CSMD1: variants seen among roughly 807,000 people sequenced by gnomAD.
CSMD1 encodes CUB and sushi domain-containing protein 1.
A neutral mutation model predicts 417.5 loss-of-function variants in CSMD1; 213 were observed. That is an observed-to-expected ratio of 0.51 (90% confidence interval 0.46 to 0.57). The LOEUF is 0.57. Among genes scored for constraint, CSMD1 ranks in the 20% least tolerant of loss-of-function variants. The pLI, the probability that CSMD1 is intolerant of heterozygous loss-of-function variation, is 0.00. For missense variants in CSMD1, 6,923 were observed against 4,529.7 expected (o/e 1.53, Z -15.17); for synonymous variants, 2,862 against 1,736.8 (o/e 1.65, Z -16.11).
In CSMD1 at chr8:3,033,542, T is replaced by C. The variant is rs145928656; in HGVS notation, c.7661-4029A>G. On this transcript the variant is annotated intron_variant, in intron 50 of 69. Transcript: ENST00000635120. ...CGTGTTCTCATTTATAAGTGGGAGTTGAACAACGAGAACACATGGACACAG... is the reference window on the plus strand; with the variant it reads ...CGTGTTCTCATTTATAAGTGGGAGTCGAACAACGAGAACACATGGACACAG... Among the ~76,000 whole-genome samples, 45 of 152,086 alleles carry C rather than the reference T, an allele frequency of 3.0e-4. No homozygotes were observed. In the East Asian group the frequency reaches 8.3e-3, roughly 28 times the overall value.
At chr8:4,782,732 A>C (rs117138379) in intron 1 of CSMD1, among the ~76,000 whole-genome samples, 1,544 of 152,298 alleles carry the variant, frequency 0.01, 11 homozygotes, top group East Asian at 0.048. Flanking sequence ...CAAAAAAATG[A>C]AAATACATGA....
chr8:4,318,205 A>G (rs1799049539), intron 3 of CSMD1, among the ~76,000 whole-genome samples: 1 of 152,118 alleles, frequency 6.6e-6, no homozygotes, highest in African/African-American at 2.4e-5. Flanking sequence ...GTGAATGATA[A>G]TTATTACAAC....
chr8:3,497,822 G>T (rs1175305002), intron 10 of CSMD1, among the ~76,000 whole-genome samples: 1 of 152,128 alleles, frequency 6.6e-6, no homozygotes, highest in East Asian at 1.9e-4. Flanking sequence ...GGTTATTTTT[G>T]TGGTTTGGTG....
chr8:3,315,437 A>ACTGTGTGT (rs1554512191), intron 23 of CSMD1, among the ~76,000 whole-genome samples: 1 of 124,056 alleles, frequency 8.1e-6, no homozygotes, highest in East Asian at 2.0e-4. Flanking sequence ...AGGTGAAGTG[A>ACTGTGTGT]GTGTGTGTGT....
intron 23 of CSMD1, among the ~76,000 whole-genome samples, chr8:3,333,933 A>G (rs895275211): frequency 3.3e-5 from 5 of 152,254 alleles, no homozygotes; most frequent in African/African-American, 1.2e-4. Context: ...ATTAGATTGT[A>G]GAAAATGTGC....
chr8:4,653,609 AC>A (rs1316512380), intron 1 of CSMD1, among the ~76,000 whole-genome samples: 1 of 152,126 alleles, frequency 6.6e-6, no homozygotes, highest in Non-Finnish European at 1.5e-5. Context: ...GTCCCAGATA[AC>A]CACCAGTGAC....
At chr8:4,216,223 C>T (rs1800659159) in intron 3 of CSMD1, among the ~76,000 whole-genome samples, 3 of 152,144 alleles carry the variant, frequency 2.0e-5, no homozygotes, top group South Asian at 2.1e-4. Flanking sequence ...TTCCCTGTTC[C>T]TGCACATGCC....
At chr8:3,334,028 G>A (rs147126179) in intron 23 of CSMD1, among the ~76,000 whole-genome samples, 7 of 152,268 alleles carry the variant, frequency 4.6e-5, no homozygotes, top group East Asian at 1.9e-4. Context: ...TGGACCCATC[G>A]TGATGCCCTT....
intron 5 of CSMD1, among the ~76,000 whole-genome samples, chr8:3,854,382 G>A (rs1403424257): frequency 6.6e-6 from 1 of 151,846 alleles, no homozygotes; most frequent in East Asian, 1.9e-4. Context: ...CACAGATAAT[G>A]AATTAAAGTA....
At chr8:4,574,848 GT>G (rs1356206691) in intron 2 of CSMD1, among the ~76,000 whole-genome samples, 1 of 152,154 alleles carries the variant, frequency 6.6e-6, no homozygotes, top group African/African-American at 2.4e-5. Flanking sequence ...CATGATTCAA[GT>G]GCTTCTTCGT....
intron 2 of CSMD1, among the ~76,000 whole-genome samples, chr8:4,506,352 C>T (rs1368896980): frequency 6.6e-6 from 1 of 151,948 alleles, no homozygotes; most frequent in Non-Finnish European, 1.5e-5. Context: ...GACCGTAGCA[C>T]CCAGACTCCT....
chr8:4,454,551 C>A (rs1799354016), intron 2 of CSMD1, among the ~76,000 whole-genome samples: 1 of 152,228 alleles, frequency 6.6e-6, no homozygotes, highest in Admixed American at 6.5e-5. Context: ...ATACAGAGCA[C>A]CTTTGCACAG....
intron 1 of CSMD1, among the ~76,000 whole-genome samples, chr8:4,804,633 G>A (rs867071900): frequency 2.6e-5 from 4 of 152,134 alleles, no homozygotes; most frequent in African/African-American, 7.2e-5. Flanking sequence ...AAAAGGCAGA[G>A]AGAGATAATA....
At chr8:3,425,722 G>C (rs995635680) in intron 12 of CSMD1, among the ~76,000 whole-genome samples, 1 of 152,018 alleles carries the variant, frequency 6.6e-6, no homozygotes, top group African/African-American at 2.4e-5. Flanking sequence ...AAACATCAAA[G>C]AAAATCTGGC....
intron 12 of CSMD1, among the ~76,000 whole-genome samples, chr8:3,444,292 C>A (rs1815167640): frequency 6.6e-6 from 1 of 152,138 alleles, no homozygotes; most frequent in African/African-American, 2.4e-5. Flanking sequence ...CACTGGATGG[C>A]AAAGAAGCTA....
intron 5 of CSMD1, among the ~76,000 whole-genome samples, chr8:3,928,286 T>C (rs1428263991): frequency 2.0e-5 from 3 of 152,208 alleles, no homozygotes; most frequent in Non-Finnish European, 2.9e-5. Context: ...AAATGTTACA[T>C]TGATTATTCA....
chr8:3,304,656 C>T (rs529714673), intron 25 of CSMD1, among the ~76,000 whole-genome samples: 18 of 151,914 alleles, frequency 1.2e-4, no homozygotes, highest in African/African-American at 2.7e-4. Flanking sequence ...TATACGTATA[C>T]GAAGAAAATT....
chr8:3,635,847 T>G (rs1797019191), intron 7 of CSMD1, among the ~76,000 whole-genome samples: 2 of 148,814 alleles, frequency 1.3e-5, no homozygotes, highest in South Asian at 2.1e-4. Flanking sequence ...AATGAGACAC[T>G]GCACACTTAG....
intron 7 of CSMD1, among the ~76,000 whole-genome samples, chr8:3,673,930 C>G (rs538347680): frequency 1.6e-4 from 24 of 152,182 alleles, no homozygotes; most frequent in African/African-American, 4.1e-4. Context: ...CGAGCCTGGG[C>G]AACATGGCAC....
Sources: allele counts gnomAD v4.1 joint callset (sites outside exome capture counted in the v4.1 genomes callset), GRCh38; gene constraint gnomAD v4.1.1; transcripts MANE v1.5; gene names NCBI Gene and HGNC (gene_info 2026-07-23, HGNC 2026-07-21).